LANCL2: variants seen among roughly 807,000 people sequenced by gnomAD.
LANCL2 encodes the protein LanC like glutathione S-transferase 2, also known as lanC-like protein 2.
LANCL2 carries 33 observed loss-of-function variants against 56.9 expected under a neutral mutation model. That is an observed-to-expected ratio of 0.58 (90% CI 0.44 to 0.78). The LOEUF (loss-of-function observed/expected upper bound fraction) is 0.78, where lower values mean the gene tolerates loss of function less well. LANCL2 is among the 30% of genes least tolerant of loss of function. The pLI, the probability that LANCL2 is intolerant of heterozygous loss-of-function variation, is 0.00. For missense variants in LANCL2, 562 were observed against 580.2 expected, an observed-to-expected ratio of 0.97 and a Z score of 0.32; for synonymous variants, 233 against 228.2, an observed-to-expected ratio of 1.02 and a Z score of -0.19.
chr7:55,428,537 G>A (rs1790693534), intron 8 of LANCL2, 90 bp downstream of exon 8: 3 of 998,490 alleles, frequency 3.0e-6, no homozygotes, highest in Middle Eastern at 2.1e-4. Context: ...ATTTGACCTG[G>A]CTCAAGTAAT....
intron 6 of LANCL2, among the ~76,000 whole-genome samples, chr7:55,418,287 A>G (rs1013351233): frequency 6.6e-6 from 1 of 151,198 alleles, no homozygotes; most frequent in Non-Finnish European, 1.5e-5. Context: ...GGCTCAAGAT[A>G]TCCTCCTGAC....
At chr7:55,396,612 C>G (rs1211276566) in intron 2 of LANCL2, among the ~76,000 whole-genome samples, 1 of 152,260 alleles carries the variant, frequency 6.6e-6, no homozygotes. Flanking sequence ...TGCTCCCCAG[C>G]ACCTCCCACC....
intron 1 of LANCL2, among the ~76,000 whole-genome samples, chr7:55,378,625 C>T (rs889714929): frequency 6.6e-6 from 1 of 151,978 alleles, no homozygotes; most frequent in Non-Finnish European, 1.5e-5. Flanking sequence ...TAATCTCCAT[C>T]AAATGTAAAT....
intron 1 of LANCL2, among the ~76,000 whole-genome samples, chr7:55,373,274 A>C (rs1206983597): frequency 7.5e-6 from 1 of 132,868 alleles, no homozygotes; most frequent in Non-Finnish European, 1.7e-5. Context: ...TAATTTTTTA[A>C]ATATTTATTT....
At chr7:55,425,105 G>GT in intron 6 of LANCL2, 149 bp from the exon 7 acceptor site, 3 of 715,848 alleles carry the variant, frequency 4.2e-6, no homozygotes, top group Non-Finnish European at 6.8e-6. Context: ...TGTTGCTGGT[G>GT]TTTTTTTGTT....
Position 55,366,210 on chromosome 7 carries a change from C to T in LANCL2, c.185C>T (p.Pro62Leu). 1 of 1,540,344 alleles carries T rather than the reference C, an allele frequency of 6.5e-7. No individual in the cohort carries two copies. The highest frequency in any genetic ancestry group is 8.8e-7 in the Non-Finnish European group (1 of 1,139,790). ...PPATTDEPGLPFHQDGKIIHN... is the reference protein window; with the variant it reads ...PPATTDEPGLLFHQDGKIIHN... ...GCGACCACGGATGAGCCCGGCCTCCCTTTTCATCAGGACGGGAAGGTGAGT... is the reference window on the plus strand; with the variant it reads ...GCGACCACGGATGAGCCCGGCCTCCTTTTTCATCAGGACGGGAAGGTGAGT... Residue 62 changes from proline to leucine, a missense_variant, in exon 1 of 9, where the codon CCT becomes CTT. Coordinates refer to ENST00000254770, the MANE Select transcript of LANCL2 (RefSeq NM_018697.4).
At chr7:55,414,264 G>C (rs1295210281) in intron 6 of LANCL2, among the ~76,000 whole-genome samples, 1 of 152,174 alleles carries the variant, frequency 6.6e-6, no homozygotes, top group African/African-American at 2.4e-5. Context: ...GTTTGTGTTT[G>C]ACCAAGGCAG....
intron 2 of LANCL2, among the ~76,000 whole-genome samples, chr7:55,393,430 G>A (rs1197208288): frequency 1.3e-5 from 2 of 152,266 alleles, no homozygotes; most frequent in East Asian, 1.9e-4. Context: ...TACTGGGAAC[G>A]CTGAAGCAGG....
chr7:55,428,382 A>G lies in LANCL2; in HGVS notation c.1193A>G (p.Glu398Gly), dbSNP rs749336896. Reference protein sequence around the residue: ...KYLYRACKFAEWCLDYGAHGC... With the variant: ...KYLYRACKFAGWCLDYGAHGC... ...AAATCCCTTTCTTTTCAGTTTGCAG[A>G]GTGGTGTCTAGATTACGGAGCACAC... is the stretch of plus-strand genomic sequence containing the variant. Residue 398 changes from glutamate to glycine, a missense_variant, in exon 8 of 9, where the codon GAG (glutamate) becomes GGG (glycine). Around this residue, in one of 2 missense-constraint regions of LANCL2, gnomAD observed 378 missense variants for 468.4 expected, o/e 0.81. Coordinates refer to ENST00000254770, the MANE Select transcript of LANCL2 (RefSeq NM_018697.4). 18 of 1,613,904 alleles carry G rather than the reference A, an allele frequency of 1.1e-5. No homozygotes were observed. In the South Asian group the frequency reaches 1.8e-4, roughly 16 times the overall value.
At position 55,403,941 on chromosome 7, in the gene LANCL2, A is replaced by C. The variant is rs944284934; in HGVS notation, c.825+2621A>C. Among the ~76,000 whole-genome samples the C allele has an allele frequency of 1.1e-4, 16 of 152,116 alleles. No individual in the cohort carries two copies. The East Asian group carries it at 2.9e-3, about 27-fold the overall frequency. On this transcript the variant is annotated intron_variant, in intron 5 of 8. Coordinates refer to ENST00000254770, the MANE Select transcript of LANCL2 (RefSeq NM_018697.4). ...GAACTCTTAATGGGGAAAAATCTTC[A>C]GGGAGCAACAGGGCCTGCAGAACCC...
chr7:55,401,515 CTTTTTTTTTTTT>C (rs58005456), intron 5 of LANCL2, among the ~76,000 whole-genome samples, 195 bp downstream of exon 5: 40 of 58,050 alleles, frequency 6.9e-4, no homozygotes, highest in East Asian at 1.6e-3. Flanking sequence ...GGTATGGAGT[CTTTTTTTTTTTT>C]TTTTTTTTTT....
At chr7:55,405,856 T>G in intron 5 of LANCL2, among the ~76,000 whole-genome samples, 1 of 151,884 alleles carries the variant, frequency 6.6e-6, no homozygotes, top group South Asian at 2.1e-4. Flanking sequence ...ACTTAGAGAT[T>G]GAGCCAGGTT....
In LANCL2 at chr7:55,426,457, G is replaced by A. The variant is rs532360092; in HGVS notation, c.1185+1027G>A. Among the ~76,000 whole-genome samples, 70 of 152,288 alleles carry A rather than the reference G, an allele frequency of 4.6e-4. 1 individual carries two copies. The highest frequency in any genetic ancestry group is 1.6e-3 in the African/African-American group (66 of 41,556). On this transcript the variant is annotated intron_variant, in intron 7 of 8. Coordinates refer to ENST00000254770, the MANE Select transcript of LANCL2 (RefSeq NM_018697.4). ...GACCCTTGTTAGATGGAGGCATTGCGGCTGATATGTTCTTTATACTTTTTG... is the reference window on the plus strand; with the variant it reads ...GACCCTTGTTAGATGGAGGCATTGCAGCTGATATGTTCTTTATACTTTTTG...
At chr7:55,416,972 T>TTTTTTTTTTG (rs1790547411) in intron 6 of LANCL2, among the ~76,000 whole-genome samples, 2 of 98,950 alleles carry the variant, frequency 2.0e-5, no homozygotes, top group African/African-American at 4.1e-5. Context: ...CGAGGTGGTT[T>TTTTTTTTTTG]TTTTTTTTTT....
rs536808751 is a variant in LANCL2 at position 55,425,889 on chromosome 7, G to T, written c.1185+459G>T. On this transcript the variant is annotated intron_variant, in intron 7 of 8. Coordinates refer to ENST00000254770, the MANE Select transcript of LANCL2 (RefSeq NM_018697.4). ...CTGCAGATGGAGCCTATGCTCCTCC[G>T]CTGAGTTGACAGAGCCCTGCGCACC... Among the ~76,000 whole-genome samples the T allele has an allele frequency of 2.0e-5, 3 of 152,286 alleles. No individual in the cohort carries two copies. In the South Asian group the frequency reaches 6.2e-4, roughly 32 times the overall value.
intron 5 of LANCL2, among the ~76,000 whole-genome samples, chr7:55,406,846 C>T: frequency 6.6e-6 from 1 of 152,182 alleles, no homozygotes; most frequent in Non-Finnish European, 1.5e-5. Context: ...AGCTAGGGGA[C>T]ATCTGGAGCT....
chr7:55,367,443 G>T (rs781170367), intron 1 of LANCL2, among the ~76,000 whole-genome samples: 6 of 152,228 alleles, frequency 3.9e-5, no homozygotes, highest in Non-Finnish European at 8.8e-5. Context: ...ACTCGAAACA[G>T]GCCGGGCGCG....
At chr7:55,426,823 C>T (rs1309852374) in intron 7 of LANCL2, among the ~76,000 whole-genome samples, 7 of 152,158 alleles carry the variant, frequency 4.6e-5, no homozygotes, top group African/African-American at 1.4e-4. Context: ...CAGGAGCCAG[C>T]GAGCGGGGAG....
intron 5 of LANCL2, among the ~76,000 whole-genome samples, chr7:55,404,225 G>A (rs533168971): frequency 6.6e-6 from 1 of 152,188 alleles, no homozygotes; most frequent in African/African-American, 2.4e-5. Context: ...GCGCACAGCC[G>A]CCTCTGCCAC....
Sources: allele counts gnomAD v4.1 joint callset (sites outside exome capture counted in the v4.1 genomes callset), GRCh38; gene constraint gnomAD v4.1.1; regional missense constraint gnomAD v4.1.1; transcripts MANE v1.5; gene names NCBI Gene and HGNC (gene_info 2026-07-23, HGNC 2026-07-21).